The following SLC19A3 variants were observed in gnomAD, a reference collection of about 807,000 sequenced individuals.
SLC19A3 encodes thiamine transporter 2.
A neutral mutation model predicts 40.2 loss-of-function variants in SLC19A3; 31 were observed. The ratio of observed to expected loss-of-function variants is 0.77; its 90% CI spans 0.58 to 1.04. The LOEUF is 1.04. Among genes scored for constraint, SLC19A3 ranks in the 50% least tolerant of loss-of-function variants. The pLI is 0.00. For synonymous variants in SLC19A3, 212 were observed against 227.5 expected (o/e 0.93, Z 0.61); for missense variants, 592 against 596.7 (o/e 0.99, Z 0.08).
chr2:227,693,576 A>G (rs1042997447), intron 4 of SLC19A3, among the ~76,000 whole-genome samples: 3 of 152,224 alleles, frequency 2.0e-5, no homozygotes, highest in African/African-American at 2.4e-5. Context: ...CTCTCACTAT[A>G]TACAAAATCA....
chr2:227,689,889 T>C (rs1695154940), intron 4 of SLC19A3, among the ~76,000 whole-genome samples: 1 of 152,234 alleles, frequency 6.6e-6, no homozygotes, highest in Admixed American at 6.5e-5. Context: ...TTTTTATTAG[T>C]TTTCTTTTTG....
intron 1 of SLC19A3, among the ~76,000 whole-genome samples, chr2:227,714,805 C>CTTTTTTTT (rs869073195): frequency 1.0e-4 from 8 of 79,868 alleles, no homozygotes; most frequent in South Asian, 9.8e-4. Context: ...CCTGACTATT[C>CTTTTTTTT]TTTTTTTTTT....
chr2:227,685,980 T>C lies in SLC19A3; in HGVS notation c.*1417A>G, dbSNP rs3208767. ...GGGAGGCCGAGGCAGACAGATCACCTGAAGTCAGGAGTTTGAGACCAGCCT... is the reference window on the plus strand; with the variant it reads ...GGGAGGCCGAGGCAGACAGATCACCCGAAGTCAGGAGTTTGAGACCAGCCT... On this transcript the variant is annotated 3_prime_UTR_variant, in exon 6 of 6. Transcript: ENST00000644224. 3 of 222,318 alleles carry C rather than the reference T, an allele frequency of 1.3e-5. No homozygotes were observed. Among genetic ancestry groups the C allele is most frequent in the South Asian group, 4.4e-5 (1 of 22,808 alleles). 13.8% of individuals were successfully genotyped at this position (222,318 alleles called of 1,614,324 possible).
intron 5 of SLC19A3, 83 bp downstream of exon 5, chr2:227,688,083 C>G (rs1312035019): frequency 7.0e-7 from 1 of 1,438,150 alleles, no homozygotes; most frequent in Non-Finnish European, 9.8e-7. Flanking sequence ...AACCAAGGAA[C>G]TCAAGAAATT....
rs777099125 is a variant in SLC19A3, at chr2:227,687,533, AT to A, written c.1354del (p.Ile452PhefsTer3). 6.2e-7 allele frequency: 1 copy of A among 1,613,958 alleles called. No homozygotes were observed. Among genetic ancestry groups the A allele is most frequent in the African/African-American group, 1.3e-5 (1 of 74,906 alleles). On this transcript the variant is annotated frameshift_variant, in exon 6 of 6. Transcript: ENST00000644224. LOFTEE classifies it low-confidence loss of function (END_TRUNC). ...YGSYFAVIAG[I>X]FLMRSMYITY... Reference sequence around the variant, plus strand: ...AATATACATGCTTCTCATTAGGAAAATTCCAGCAATTACTGCAAAATAGCTC... The same window carrying A: ...AATATACATGCTTCTCATTAGGAAAATCCAGCAATTACTGCAAAATAGCTC...
At chr2:227,714,413 T>G in intron 1 of SLC19A3, 2 of 985,026 alleles carry the variant, frequency 2.0e-6, no homozygotes, top group Non-Finnish European at 2.4e-6. Context: ...AGAATCTGAA[T>G]CTCAGAAGCT....
In SLC19A3 at chr2:227,684,756, GCGGAT is replaced by G. The variant is rs1317010074; in HGVS notation, c.*2636_*2640del. ...CCAACACTTTGGGAGACCGAGACGG[GCGGAT>G]CACCTGAGACCAGGAGTTTGAAACC... On this transcript the variant is annotated 3_prime_UTR_variant, in exon 6 of 6. Transcript: ENST00000644224. The G allele has an allele frequency of 1.2e-4, 18 of 152,138 alleles. No individual in the cohort carries two copies. The highest frequency in any genetic ancestry group is 2.0e-4 in the Admixed American group (3 of 15,266). 9.4% of individuals were successfully genotyped at this position (152,138 alleles called of 1,614,324 possible).
Position 227,687,128 on chromosome 2 carries a change from A to G in SLC19A3, c.*269T>C, listed in dbSNP as rs769503014. The stretch of plus-strand genomic sequence containing the variant: ...CTGCATGTCTTTACAAGTGATAAAA[A>G]CCAGAATTTTCCAGCTGCTACTAGT... On this transcript the variant is annotated 3_prime_UTR_variant, in exon 6 of 6. Transcript: ENST00000644224. 16 of 338,004 alleles carry G rather than the reference A, an allele frequency of 4.7e-5. No individual in the cohort carries two copies. Among genetic ancestry groups the G allele is most frequent in the Non-Finnish European group, 8.7e-5 (16 of 184,110 alleles). The allele number at this position is 338,004 out of a possible 1,614,324, so 20.9% of individuals were successfully genotyped here.
intron 1 of SLC19A3, 96 bp from the exon 2 acceptor site, chr2:227,702,416 T>G (rs528777216): frequency 2.5e-6 from 3 of 1,213,520 alleles, no homozygotes; most frequent in Non-Finnish European, 3.5e-6. Flanking sequence ...TTTTTTGAGA[T>G]GGAGGGTCGC....
At position 227,703,308 on chromosome 2, in the gene SLC19A3, T is replaced by TC. The variant is rs1695778836; in HGVS notation, c.-2-989dup. On this transcript the variant is annotated intron_variant, in intron 1 of 5. Coordinates refer to ENST00000644224, the MANE Select transcript of SLC19A3 (RefSeq NM_025243.4). This position sits in a 1 kb window ranked among gnomAD's most constrained non-coding sequence, Gnocchi z 4.7. ...ATAGCAAGTCTTACCTGGGTGGAAT[T>TC]CCAGGTATCCAGTGGGTGGGGAGCT... 1.3e-5 allele frequency among the ~76,000 whole-genome samples: 2 copies of TC among 152,172 alleles called. No homozygotes were observed. The highest frequency in any genetic ancestry group is 2.9e-5 in the Non-Finnish European group (2 of 68,032).
In SLC19A3 at chr2:227,701,749, C is replaced by G. The variant is rs555997030; in HGVS notation, c.150+420G>C. ...GGCTGGGAGATAAAGCTGTTAATGGCTCACCTGCTGGCAAACAGTGTCATA... is the reference window on the plus strand; with the variant it reads ...GGCTGGGAGATAAAGCTGTTAATGGGTCACCTGCTGGCAAACAGTGTCATA... On this transcript the variant is annotated intron_variant, in intron 2 of 5. Coordinates refer to ENST00000644224, the MANE Select transcript of SLC19A3 (RefSeq NM_025243.4). 2.5e-5 allele frequency: 4 copies of G among 160,778 alleles called. No homozygotes were observed. The East Asian group carries it at 7.4e-4, about 30-fold the overall frequency. 10.0% of individuals were successfully genotyped at this position (160,778 alleles called of 1,614,324 possible). A position where few individuals can be genotyped will look rare whatever the true frequency, so the allele number is the denominator to read the frequency against.
At chr2:227,687,898 G>A (rs2106317794) in intron 5 of SLC19A3, among the ~76,000 whole-genome samples, 1 of 152,250 alleles carries the variant, frequency 6.6e-6, no homozygotes, top group Admixed American at 6.5e-5. Flanking sequence ...CTATGTCTTT[G>A]TTTGGAGGCT....
At chr2:227,717,265 G>A (rs1696366120) in intron 1 of SLC19A3, among the ~76,000 whole-genome samples, 1 of 152,128 alleles carries the variant, frequency 6.6e-6, no homozygotes, top group African/African-American at 2.4e-5. Context: ...GCCTCCCAAA[G>A]TGCTGGGATT....
chr2:227,699,444 T>C lies in SLC19A3; in HGVS notation c.271A>G (p.Ile91Val). ...PVIILQGISF[I>V]ITWLLLLFGQ... ...AACAACAGCAGCAGCCAGGTAATGA[T>C]GAAACTGATACCTTGCAAGATGATG... The change falls in exon 3 of 6, where the codon ATC becomes GTC. Residue 91 changes from isoleucine to valine, a missense_variant. Transcript: ENST00000644224. The C allele has an allele frequency of 6.2e-7, 1 of 1,614,110 alleles. No individual in the cohort carries two copies. The highest frequency in any genetic ancestry group is 8.5e-7 in the Non-Finnish European group (1 of 1,180,034).
At chr2:227,694,170 C>G (rs141871107) in intron 4 of SLC19A3, among the ~76,000 whole-genome samples, 1,628 of 152,240 alleles carry the variant, frequency 0.011, 26 homozygotes, top group Middle Eastern at 0.048. Context: ...CCATGCCCAG[C>G]TAATTTTTGT....
intron 2 of SLC19A3, among the ~76,000 whole-genome samples, chr2:227,700,695 C>A (rs1695651991): frequency 6.6e-6 from 1 of 152,184 alleles, no homozygotes; most frequent in Middle Eastern, 3.4e-3. Flanking sequence ...TAATGTATCT[C>A]ATTTTCCTTC....
At chr2:227,688,388 G>C in intron 4 of SLC19A3, 81 bp from the exon 5 acceptor site, 1 of 1,384,240 alleles carries the variant, frequency 7.2e-7, no homozygotes, top group Non-Finnish European at 1.0e-6. Flanking sequence ...ATTGGCCACA[G>C]GGGTATTTGT....
intron 1 of SLC19A3, among the ~76,000 whole-genome samples, chr2:227,709,825 G>A (rs1300761531): frequency 6.6e-6 from 1 of 152,102 alleles, no homozygotes; most frequent in Non-Finnish European, 1.5e-5. Flanking sequence ...AATACTGCCA[G>A]AATTAACCCA....
At chr2:227,692,251 AC>A (rs1378373051) in intron 4 of SLC19A3, among the ~76,000 whole-genome samples, 1 of 152,210 alleles carries the variant, frequency 6.6e-6, no homozygotes, top group Admixed American at 6.5e-5. Flanking sequence ...CACATTAAAA[AC>A]AAAAAACAAC....
Sources: allele counts gnomAD v4.1 joint callset (sites outside exome capture counted in the v4.1 genomes callset), GRCh38; gene constraint gnomAD v4.1.1; non-coding constraint Gnocchi (gnomAD v3.1); transcripts MANE v1.5; gene names NCBI Gene and HGNC (gene_info 2026-07-23, HGNC 2026-07-21).